INSC: variants seen among roughly 807,000 people sequenced by gnomAD.
The protein encoded by INSC is INSC spindle orientation adaptor protein.
INSC carries 67 observed loss-of-function variants against 58.6 expected under a neutral mutation model. That is an observed-to-expected ratio of 1.14 (90% CI 0.94 to 1.40). The LOEUF is 1.40. Among genes scored for constraint, INSC ranks in the 40% most tolerant of loss-of-function variants. The pLI, the probability that INSC is intolerant of heterozygous loss-of-function variation, is 0.00. For missense variants in INSC, 714 were observed against 692.0 expected (o/e 1.03, Z -0.36); for synonymous variants, 262 against 276.1 (o/e 0.95, Z 0.51).
At chr11:15,147,428 A>G (rs1338896297) in intron 1 of INSC, among the ~76,000 whole-genome samples, 6 of 152,212 alleles carry the variant, frequency 3.9e-5, no homozygotes, top group Non-Finnish European at 7.3e-5. Context: ...CTCATAGGAC[A>G]TAACAATAAT....
chr11:15,167,433 T>G (rs898636548), intron 2 of INSC, among the ~76,000 whole-genome samples: 5 of 152,038 alleles, frequency 3.3e-5, no homozygotes, highest in African/African-American at 1.2e-4. Context: ...TTGCTGCTGT[T>G]TAAACAATCT....
At chr11:15,149,053 G>C in intron 1 of INSC, 77 bp from the exon 2 acceptor site, 1 of 1,454,624 alleles carries the variant, frequency 6.9e-7, no homozygotes, top group Non-Finnish European at 9.1e-7. Flanking sequence ...GGTTCCTTGT[G>C]GCCTGGGACT....
At chr11:15,124,246 G>A (rs1847937813) in intron 1 of INSC, among the ~76,000 whole-genome samples, 1 of 152,210 alleles carries the variant, frequency 6.6e-6, no homozygotes, top group Non-Finnish European at 1.5e-5. Flanking sequence ...GAGACTGTCA[G>A]GGGTTGGGGA....
intron 7 of INSC, among the ~76,000 whole-genome samples, chr11:15,213,238 C>T (rs553237712): frequency 2.6e-5 from 4 of 152,076 alleles, no homozygotes; most frequent in East Asian, 1.9e-4. Context: ...CCAACCTGGG[C>T]GACAGAGTGA....
At chr11:15,118,943 T>C (rs551673022) in intron 1 of INSC, among the ~76,000 whole-genome samples, 3 of 152,332 alleles carry the variant, frequency 2.0e-5, no homozygotes, top group Admixed American at 2.0e-4. Flanking sequence ...ATTTTAAATA[T>C]AAGGAAACAG....
intron 2 of INSC, among the ~76,000 whole-genome samples, chr11:15,161,187 C>T (rs979821463): frequency 2.6e-5 from 4 of 152,204 alleles, no homozygotes; most frequent in African/African-American, 9.6e-5. Context: ...GTGCCATAAT[C>T]CATGCCCATG....
intron 9 of INSC, among the ~76,000 whole-genome samples, chr11:15,234,467 G>A (rs1421569133): frequency 6.6e-6 from 1 of 151,996 alleles, no homozygotes; most frequent in Non-Finnish European, 1.5e-5. Context: ...CTCTTTCTTG[G>A]TAGACATAAC....
chr11:15,236,076 AAAT>A (rs1852118610), intron 10 of INSC, among the ~76,000 whole-genome samples: 5 of 132,990 alleles, frequency 3.8e-5, no homozygotes, highest in South Asian at 5.3e-4. Context: ...AAAAAAAAAA[AAAT>A]AGGTACACGT....
chr11:15,239,432 T>G (rs540630384), intron 11 of INSC, among the ~76,000 whole-genome samples: 1 of 152,242 alleles, frequency 6.6e-6, no homozygotes, highest in Non-Finnish European at 1.5e-5. Flanking sequence ...TACTCATTAA[T>G]TTATCCTTTA....
chr11:15,173,718 T>C (rs920073886), intron 2 of INSC, among the ~76,000 whole-genome samples: 1 of 152,078 alleles, frequency 6.6e-6, no homozygotes, highest in African/African-American at 2.4e-5. Context: ...GACAGAGAAA[T>C]CATTGGTTAT....
At chr11:15,161,440 T>C (rs955632641) in intron 2 of INSC, among the ~76,000 whole-genome samples, 1 of 152,244 alleles carries the variant, frequency 6.6e-6, no homozygotes, top group African/African-American at 2.4e-5. Flanking sequence ...CTTTTTCTGC[T>C]GCTACAGCTT....
upstream of INSC, among the ~76,000 whole-genome samples, chr11:15,114,131 G>T (rs540254920): frequency 1.7e-3 from 259 of 151,630 alleles, 2 homozygotes; most frequent in African/African-American, 6.0e-3. Flanking sequence ...GGCGGGGGAG[G>T]GGGAGTTGTA....
chr11:15,135,944 G>A (rs2133714808), intron 1 of INSC, among the ~76,000 whole-genome samples: 2 of 152,274 alleles, frequency 1.3e-5, no homozygotes, highest in Admixed American at 1.3e-4. Flanking sequence ...TTTGGGGGAA[G>A]GAAGACTAGA....
At chr11:15,241,104 G>A (rs1233318158) in intron 12 of INSC, among the ~76,000 whole-genome samples, 1 of 152,036 alleles carries the variant, frequency 6.6e-6, no homozygotes, top group Non-Finnish European at 1.5e-5. Context: ...TTTTTGCTAG[G>A]GGTCCACCAT....
the INSC span, among the ~76,000 whole-genome samples, chr11:15,253,769 G>C: frequency 4.6e-5 from 7 of 152,204 alleles, no homozygotes; most frequent in South Asian, 1.5e-3. Context: ...GACCTGTCCT[G>C]CCTCTCCAGG....
At chr11:15,186,718 G>T (rs1288647368) in intron 5 of INSC, among the ~76,000 whole-genome samples, 1 of 151,956 alleles carries the variant, frequency 6.6e-6, no homozygotes, top group African/African-American at 2.4e-5. Flanking sequence ...CCTAATTCAT[G>T]CATTTTTCCA....
At chr11:15,230,368 G>T (rs184699375) in intron 9 of INSC, among the ~76,000 whole-genome samples, 1 of 151,868 alleles carries the variant, frequency 6.6e-6, no homozygotes, top group Non-Finnish European at 1.5e-5. Flanking sequence ...CAGACACATC[G>T]CATGGCAGAA....
At chr11:15,247,678 A>G (rs1852603692), downstream of INSC, among the ~76,000 whole-genome samples, 1 of 149,234 alleles carries the variant, frequency 6.7e-6, no homozygotes, top group South Asian at 2.1e-4. Context: ...CAGACCTTGG[A>G]TTCAAACCAA....
chr11:15,236,963 C>T (rs934255304), intron 10 of INSC, among the ~76,000 whole-genome samples: 8 of 152,180 alleles, frequency 5.3e-5, no homozygotes, highest in Non-Finnish European at 1.0e-4. Context: ...ATCTGTGCTC[C>T]GTTCTTTCGG....
Sources: allele counts gnomAD v4.1 joint callset (sites outside exome capture counted in the v4.1 genomes callset), GRCh38; gene constraint gnomAD v4.1.1; transcripts MANE v1.5; gene names NCBI Gene and HGNC (gene_info 2026-07-23, HGNC 2026-07-21).